Variants in MTOR observed in about 807,000 individuals in gnomAD.
MTOR encodes the protein mechanistic target of rapamycin kinase.
Under a neutral mutation model 319.8 loss-of-function variants are expected in MTOR, and 70 were observed. That is an observed-to-expected ratio of 0.22 (90% CI 0.18 to 0.27). The LOEUF is 0.27. MTOR is among the 10% of genes least tolerant of loss of function. The pLI is 1.00. For missense variants in MTOR, 1,890 were observed against 3,274.4 expected, an observed-to-expected ratio of 0.58 and a Z score of 10.32; for synonymous variants, 1,183 against 1,211.4, an observed-to-expected ratio of 0.98 and a Z score of 0.49.
chr1:11,247,150 G>A (rs1648954606), intron 8 of MTOR, among the ~76,000 whole-genome samples: 1 of 152,174 alleles, frequency 6.6e-6, no homozygotes, highest in African/African-American at 2.4e-5. Flanking sequence ...TTTACAGCTG[G>A]AGCAATCTAG....
At chr1:11,182,950 T>C (rs994073017) in intron 28 of MTOR, among the ~76,000 whole-genome samples, 1 of 152,216 alleles carries the variant, frequency 6.6e-6, no homozygotes, top group Non-Finnish European at 1.5e-5. Context: ...TTCTGGAGCA[T>C]GTGTGCTTGC....
In MTOR at chr1:11,209,380, A is replaced by G. The variant is rs144974464; in HGVS notation, c.3733T>C (p.Leu1245=). 27 of 1,614,182 alleles carry G rather than the reference A, an allele frequency of 1.7e-5. No individual in the cohort carries two copies. Among genetic ancestry groups the G allele is most frequent in the East Asian group, 1.3e-4 (6 of 44,884 alleles). Residue 1245 remains leucine, a synonymous_variant, in exon 25 of 58, where the codon TTG becomes CTG. Coordinates refer to ENST00000361445, the MANE Select transcript of MTOR (RefSeq NM_004958.4). ...RMLRSGQGDA[L]ASGPVETGPM... is the part of the protein sequence containing the mutation. The stretch of plus-strand genomic sequence containing the variant: ...CCTGTTTCCACTGGTCCACTAGCCA[A>G]TGCATCCCCTTGGCCACTCCTAAGC...
chr1:11,185,594 C>A (rs1334824514), intron 28 of MTOR, among the ~76,000 whole-genome samples: 1 of 151,828 alleles, frequency 6.6e-6, no homozygotes, highest in Admixed American at 6.6e-5. Flanking sequence ...CAGAGTGAAA[C>A]CCTGTCACAA....
intron 39 of MTOR, among the ~76,000 whole-genome samples, chr1:11,130,268 C>A (rs964389669): frequency 6.6e-6 from 1 of 152,296 alleles, no homozygotes; most frequent in African/African-American, 2.4e-5. Context: ...AGGTGCAGCA[C>A]GTAGAGAATG....
In MTOR at chr1:11,109,427, A is replaced by G. The variant is rs1485744936; in HGVS notation, c.7448-57T>C. ...GAATGGGAGCAATACAACAGGTTCA[A>G]TGGGTGCCCTGTTTTTCTCAAATAT... On this transcript the variant is annotated intron_variant, in intron 55 of 57. Transcript: ENST00000361445. The surrounding 1 kb of genome is among the most constrained non-coding windows in gnomAD (Gnocchi z 4.0). 2 of 1,495,342 alleles carry G rather than the reference A, an allele frequency of 1.3e-6. No individual in the cohort carries two copies. The highest frequency in any genetic ancestry group is 2.3e-5 in the East Asian group (1 of 44,324). The allele number at this position is 1,495,342 out of a possible 1,614,324, so 92.6% of individuals were successfully genotyped here.
At chr1:11,155,942 T>C (rs1644305694) in intron 30 of MTOR, among the ~76,000 whole-genome samples, 1 of 152,218 alleles carries the variant, frequency 6.6e-6, no homozygotes, top group Admixed American at 6.5e-5. Flanking sequence ...GATAACCTAC[T>C]AGTCGGGAGG....
In MTOR at chr1:11,229,439, G is replaced by T. The variant is rs974517108; in HGVS notation, c.2780-521C>A. ...AGGGAGGGAGGTATACTAACATGAA[G>T]AGTGCAGCGAGGAGGGTAAGAACTA... On this transcript the variant is annotated intron_variant, in intron 18 of 57. Transcript: ENST00000361445. 3.3e-5 allele frequency among the ~76,000 whole-genome samples: 5 copies of T among 152,216 alleles called. No homozygotes were observed. In the South Asian group the frequency reaches 1.0e-3, roughly 32 times the overall value.
intron 53 of MTOR, 84 bp downstream of exon 53, chr1:11,114,234 A>T: frequency 6.4e-7 from 1 of 1,556,806 alleles, no homozygotes; most frequent in Non-Finnish European, 8.7e-7. Context: ...GCCTCAAGCA[A>T]CTCCTCTGCC....
At chr1:11,232,834 C>T (rs1647066454) in intron 15 of MTOR, 2 of 511,980 alleles carry the variant, frequency 3.9e-6, no homozygotes, top group Non-Finnish European at 7.0e-6. Flanking sequence ...AAGATCACAC[C>T]ACTGCACTCC....
intron 16 of MTOR, among the ~76,000 whole-genome samples, chr1:11,231,867 G>A (rs1021471160): frequency 4.6e-5 from 7 of 152,236 alleles, no homozygotes; most frequent in Admixed American, 4.6e-4. Flanking sequence ...TGGGACTACA[G>A]GCACATGCCA....
rs1177657817 is a variant in MTOR, at chr1:11,127,530, C to T, written c.6216+94G>A. The T allele has an allele frequency of 5.6e-6, 8 of 1,434,038 alleles. No homozygotes were observed. Among genetic ancestry groups the T allele is most frequent in the Non-Finnish European group, 7.5e-6 (8 of 1,064,174 alleles). The allele number at this position is 1,434,038 out of a possible 1,614,324, so 88.8% of individuals were successfully genotyped here. Reference sequence around the variant, plus strand: ...ATCTGACAAAGGCCTTGGGTCACGTCCTTTCATTCTATAAAAACTTTTCTC... The same window carrying T: ...ATCTGACAAAGGCCTTGGGTCACGTTCTTTCATTCTATAAAAACTTTTCTC... On this transcript the variant is annotated intron_variant, in intron 44 of 57. Transcript: ENST00000361445. This position sits in a 1 kb window ranked among gnomAD's most constrained non-coding sequence, Gnocchi z 5.5.
In MTOR at chr1:11,128,657, A is replaced by G. The variant is rs1023731895; in HGVS notation, c.5812-105T>C. The stretch of plus-strand genomic sequence containing the variant: ...TTAACTTGTTTCGGTTGATGCTCTG[A>G]AATGGTTCATTCCCTTCCCTTTAGT... On this transcript the variant is annotated intron_variant, in intron 41 of 57. Coordinates refer to ENST00000361445, the MANE Select transcript of MTOR (RefSeq NM_004958.4). This position sits in a 1 kb window ranked among gnomAD's most constrained non-coding sequence, Gnocchi z 5.3. The G allele has an allele frequency of 1.6e-6, 2 of 1,226,278 alleles. No individual in the cohort carries two copies. The highest frequency in any genetic ancestry group is 1.9e-5 in the Admixed American group (1 of 52,058). The allele number at this position is 1,226,278 out of a possible 1,614,324, so 76.0% of individuals were successfully genotyped here.
chr1:11,122,566 G>C (rs1274151225), intron 47 of MTOR, among the ~76,000 whole-genome samples: 2 of 139,032 alleles, frequency 1.4e-5, no homozygotes, highest in African/African-American at 5.5e-5. Flanking sequence ...GGAATGCAGT[G>C]TCACTATTTT....
chr1:11,241,711 G>A (rs758186482), intron 9 of MTOR, 30 bp from the exon 10 acceptor site: 1 of 1,588,550 alleles, frequency 6.3e-7, no homozygotes, highest in Non-Finnish European at 8.6e-7. Context: ...GGCTAGTTGA[G>A]ACATAATGAC....
Position 11,108,137 on chromosome 1 carries a change from C to CTGAT in MTOR, c.7634+40_7634+43dup, listed in dbSNP as rs374811023. 89 of 1,522,962 alleles carry CTGAT rather than the reference C, an allele frequency of 5.8e-5. No homozygotes were observed. The African/African-American group carries it at 1.0e-3, about 17-fold the overall frequency. The allele number at this position is 1,522,962 out of a possible 1,614,324, so 94.3% of individuals were successfully genotyped here. ...TGGCTTTGGGGCCTAGGCTTGGGAC[C>CTGAT]TGATTGCTTATTTTAACAAAGTCAC... On this transcript the variant is annotated intron_variant, in intron 57 of 57. Transcript: ENST00000361445.
At chr1:11,192,436 A>G in intron 28 of MTOR, 1 of 1,313,412 alleles carries the variant, frequency 7.6e-7, no homozygotes, top group Non-Finnish European at 1.1e-6. Flanking sequence ...GGGGACTACA[A>G]CAACAGGGCC....
At chr1:11,163,675 GA>G (rs1464644013) in intron 29 of MTOR, among the ~76,000 whole-genome samples, 3 of 152,206 alleles carry the variant, frequency 2.0e-5, no homozygotes, top group Admixed American at 2.0e-4. Context: ...ACCTGCTCCT[GA>G]ATGACTACTG....
rs1417757702 is a variant in MTOR at position 11,124,647 on chromosome 1, T to TGG, written c.6527-16_6527-15dup. On this transcript the variant is annotated splice_polypyrimidine_tract_variant and intron_variant, in intron 46 of 57. Coordinates refer to ENST00000361445, the MANE Select transcript of MTOR (RefSeq NM_004958.4). ...GTCCGTTGCTGCCTGTAAGGAACAG[T>TGG]GGGAGCGGTGAGTGTACATCAGAGG... The TGG allele has an allele frequency of 2.5e-6, 4 of 1,603,362 alleles. No individual in the cohort carries two copies. The highest frequency in any genetic ancestry group is 3.4e-6 in the Non-Finnish European group (4 of 1,170,880).
At chr1:11,167,391 C>T (rs755865910) in intron 29 of MTOR, 51 bp downstream of exon 29, 1 of 1,464,918 alleles carries the variant, frequency 6.8e-7, no homozygotes, top group Non-Finnish European at 9.6e-7. Flanking sequence ...GCCAATAACT[C>T]CCTAGCCAAG....
Sources: gnomAD v4.1 joint callset for allele counts (sites outside exome capture counted in the v4.1 genomes callset) on GRCh38, gnomAD v4.1.1 for gene constraint, Gnocchi (gnomAD v3.1) non-coding constraint, MANE v1.5 for transcripts, NCBI Gene and HGNC (gene_info 2026-07-23, HGNC 2026-07-21) for gene names.